The following TDRD9 variants were observed in gnomAD, a reference collection of about 807,000 sequenced individuals.
The protein encoded by TDRD9 is tudor domain containing 9.
In TDRD9, 124 loss-of-function variants were observed where a neutral mutation model predicts 172.6. That is an observed-to-expected ratio of 0.72 (90% CI 0.62 to 0.83). The LOEUF (loss-of-function observed/expected upper bound fraction) is 0.83. Ranked by LOEUF, TDRD9 falls within the 40% of genes least tolerant of loss-of-function variation. The pLI, the probability that TDRD9 is intolerant of heterozygous loss-of-function variation, is 0.00. For synonymous variants in TDRD9, 619 were observed against 617.1 expected (o/e 1.00, Z -0.05); for missense variants, 1,479 against 1,714.1 (o/e 0.86, Z 2.42).
chr14:104,031,536 A>G (rs1469519152), intron 29 of TDRD9, among the ~76,000 whole-genome samples: 1 of 143,806 alleles, frequency 7.0e-6, no homozygotes, highest in Non-Finnish European at 1.5e-5. Flanking sequence ...TAAAGGAAGC[A>G]CAGCGTGTGG....
At chr14:104,017,835 C>A (rs1274276007) in intron 22 of TDRD9, among the ~76,000 whole-genome samples, 1 of 152,120 alleles carries the variant, frequency 6.6e-6, no homozygotes, top group African/African-American at 2.4e-5. Flanking sequence ...GTAAACAAAT[C>A]TTAATTTTGC....
chr14:103,950,394 TC>T (rs1302384544), intron 1 of TDRD9, among the ~76,000 whole-genome samples: 1 of 152,224 alleles, frequency 6.6e-6, no homozygotes, highest in Admixed American at 6.5e-5. Flanking sequence ...ACGGCCGGTT[TC>T]TATTTCATAA....
At chr14:104,042,038 T>C in intron 33 of TDRD9, 31 bp from the exon 34 acceptor site, 2 of 1,343,828 alleles carry the variant, frequency 1.5e-6, no homozygotes. Flanking sequence ...GACGGAGCCT[T>C]ATGAGTGTTT....
chr14:103,962,682 A>T (rs191763984), intron 2 of TDRD9, among the ~76,000 whole-genome samples: 1 of 151,648 alleles, frequency 6.6e-6, no homozygotes, highest in Non-Finnish European at 1.5e-5. Context: ...TCCCATCTTT[A>T]TGTTCGTGTG....
intron 34 of TDRD9, among the ~76,000 whole-genome samples, chr14:104,043,297 G>T (rs897565441): frequency 1.9e-4 from 29 of 150,692 alleles, no homozygotes; most frequent in Admixed American, 5.3e-4. Context: ...GCTGGAGTGC[G>T]ATGGCACGAT....
intron 6 of TDRD9, among the ~76,000 whole-genome samples, chr14:103,974,778 C>T (rs2152165308): frequency 6.6e-6 from 1 of 152,142 alleles, no homozygotes; most frequent in East Asian, 1.9e-4. Context: ...GTAGCTGGGA[C>T]TACAAGAGGG....
At position 103,998,728 on chromosome 14, in the gene TDRD9, G is replaced by C. The variant is rs774571489; in HGVS notation, c.1483G>C (p.Gly495Arg). The C allele has an allele frequency of 3.3e-6, 5 of 1,505,108 alleles. No individual in the cohort carries two copies. In the South Asian group the frequency reaches 5.6e-5, roughly 17 times the overall value. 93.2% of individuals were successfully genotyped at this position (1,505,108 alleles called of 1,614,324 possible). A position where few individuals can be genotyped will look rare whatever the true frequency, so the allele number is the denominator to read the frequency against. ...TAAAACCAGCTGTAATCAGAGAAAA[G>C]GTAAGACATTTGTGTTAAAGCACAA... The part of the protein sequence containing the change: ...ASKTSCNQRK[G>R]RAGRVSRGYC... The change falls in exon 13 of 36, where the codon GGC becomes CGC. Residue 495 changes from glycine to arginine, a missense_variant and splice_region_variant. Transcript: ENST00000409874.
At chr14:104,036,300 A>G (rs761778653) in intron 32 of TDRD9, among the ~76,000 whole-genome samples, 1 of 152,216 alleles carries the variant, frequency 6.6e-6, no homozygotes, top group Non-Finnish European at 1.5e-5. Flanking sequence ...CTTGTTTCTG[A>G]GCGGCTCTTG....
chr14:103,936,709 A>G (rs1450621815), intron 1 of TDRD9, among the ~76,000 whole-genome samples: 1 of 152,124 alleles, frequency 6.6e-6, no homozygotes, highest in Non-Finnish European at 1.5e-5. Flanking sequence ...TAAACCTTCT[A>G]TGTTTGGTCT....
In TDRD9 at chr14:104,052,266, G is replaced by A; in HGVS notation, c.*184G>A. ...AGTCAGAGAGTGGTGTTTTTGTTCA[G>A]GTGGGAAGGATTGGAAACTCTAGTC... On this transcript the variant is annotated 3_prime_UTR_variant, in exon 36 of 36. Transcript: ENST00000409874. The A allele has an allele frequency of 2.3e-6, 1 of 434,942 alleles. No homozygotes were observed. The highest frequency in any genetic ancestry group is 4.1e-6 in the Non-Finnish European group (1 of 242,404). The allele number at this position is 434,942 out of a possible 1,614,324, so 26.9% of individuals were successfully genotyped here.
chr14:103,963,036 G>A, intron 2 of TDRD9, 43 bp from the exon 3 acceptor site: 2 of 1,176,290 alleles, frequency 1.7e-6, no homozygotes, highest in Non-Finnish European at 2.4e-6. Flanking sequence ...TCTTTTTCCA[G>A]ATAAGAAATG....
intron 13 of TDRD9, among the ~76,000 whole-genome samples, chr14:103,999,317 T>C (rs2034173557): frequency 6.6e-6 from 1 of 152,228 alleles, no homozygotes; most frequent in South Asian, 2.1e-4. Flanking sequence ...AAAAAATTAT[T>C]GGTGAAGAAC....
intron 32 of TDRD9, among the ~76,000 whole-genome samples, chr14:104,035,429 G>A (rs919929801): frequency 2.0e-5 from 3 of 152,182 alleles, no homozygotes; most frequent in Admixed American, 2.0e-4. Context: ...ACAAGAACCC[G>A]TCAGTCCCCC....
intron 7 of TDRD9, among the ~76,000 whole-genome samples, chr14:103,982,779 T>C (rs2033524372): frequency 6.6e-6 from 1 of 152,028 alleles, no homozygotes; most frequent in African/African-American, 2.4e-5. Context: ...CACACGCCTG[T>C]AATCCCAGCT....
intron 32 of TDRD9, among the ~76,000 whole-genome samples, chr14:104,037,406 C>T (rs914398645): frequency 2.6e-5 from 4 of 152,192 alleles, no homozygotes; most frequent in South Asian, 2.1e-4. Flanking sequence ...TTGTTAAACG[C>T]GAAGCTTGCA....
chr14:103,930,408 C>A (rs1456734899), intron 1 of TDRD9, among the ~76,000 whole-genome samples: 1 of 152,090 alleles, frequency 6.6e-6, no homozygotes, highest in Non-Finnish European at 1.5e-5. Flanking sequence ...GTCGGTCTGA[C>A]CTTGTGGTCC....
chr14:103,951,898 C>G (rs1413739460), intron 1 of TDRD9, among the ~76,000 whole-genome samples: 1 of 151,398 alleles, frequency 6.6e-6, no homozygotes, highest in Non-Finnish European at 1.5e-5. Flanking sequence ...TCCGGAGTAG[C>G]TGGGACCACA....
chr14:104,051,981 G>T lies in TDRD9; in HGVS notation c.4048G>T (p.Val1350Phe), dbSNP rs777118511. The stretch of plus-strand genomic sequence containing the variant: ...CTGGTCCGCTTGTCTACCCCATTAG[G>T]TTGATCCAAAGCTGGTCATGGAGCA... ...WHEKPYEWNQVDPKLVMEQAD... is the reference protein window; with the variant it reads ...WHEKPYEWNQFDPKLVMEQAD... The change falls in exon 36 of 36, where the codon GTT (valine) becomes TTT (phenylalanine). Residue 1350 changes from valine (V) to phenylalanine (F), a missense_variant and splice_region_variant. Physicochemically the swap from Val to Phe is conservative, Grantham distance 50. Transcript: ENST00000409874. The T allele has an allele frequency of 5.4e-5, 86 of 1,587,774 alleles. No homozygotes were observed. Among genetic ancestry groups the T allele is most frequent in the Non-Finnish European group, 7.0e-5 (82 of 1,166,682 alleles).
Position 103,991,080 on chromosome 14 carries a change from G to T in TDRD9, c.1116-80G>T. ...CTGTAAGAGCCTTTCAGGATTAAAA[G>T]CCTGTAATATTAGGATTTTAGAGAA... On this transcript the variant is annotated intron_variant, in intron 8 of 35. Coordinates refer to ENST00000409874, the MANE Select transcript of TDRD9 (RefSeq NM_153046.3). 16 of 1,523,342 alleles carry T rather than the reference G, an allele frequency of 1.1e-5. No homozygotes were observed. In the South Asian group the frequency reaches 1.8e-4, roughly 17 times the overall value. The allele number at this position is 1,523,342 out of a possible 1,614,324, so 94.4% of individuals were successfully genotyped here.
Sources: allele counts gnomAD v4.1 joint callset (sites outside exome capture counted in the v4.1 genomes callset), GRCh38; gene constraint gnomAD v4.1.1; transcripts MANE v1.5; gene names NCBI Gene and HGNC (gene_info 2026-07-23, HGNC 2026-07-21).